The following GRM8 variants were observed in gnomAD, a reference collection of about 807,000 sequenced individuals.
GRM8 encodes the protein glutamate metabotropic receptor 8.
A neutral mutation model predicts 87.2 loss-of-function variants in GRM8; 47 were observed. The ratio of observed to expected loss-of-function variants is 0.54; its 90% CI spans 0.43 to 0.69. The LOEUF (loss-of-function observed/expected upper bound fraction) is 0.69. Ranked by LOEUF, GRM8 falls within the 30% of genes least tolerant of loss-of-function variation. The pLI is 0.00. For missense variants in GRM8, 1,019 were observed against 1,139.2 expected, an observed-to-expected ratio of 0.89 and a Z score of 1.52; for synonymous variants, 396 against 404.5, an observed-to-expected ratio of 0.98 and a Z score of 0.25.
rs1815132008 is a variant in GRM8 at position 126,533,192 on chromosome 7, T to C, written c.2190A>G (p.Thr730=). 3.7e-6 allele frequency: 6 copies of C among 1,612,754 alleles called. No homozygotes were observed. The highest frequency in any genetic ancestry group is 5.1e-6 in the Non-Finnish European group (6 of 1,179,594). Reference sequence around the variant, plus strand: ...CTCCCCTGGCCTTCTCTGGATCTAGTGTCCGCTGCTCTCCATAGTCAATGA... The same window carrying C: ...CTCCCCTGGCCTTCTCTGGATCTAGCGTCCGCTGCTCTCCATAGTCAATGA... ...HIIIDYGEQR[T]LDPEKARGVL... is the part of the protein sequence containing the mutation. The change falls in exon 9 of 11, where the codon ACA becomes ACG. Residue 730 remains threonine, a synonymous_variant. Transcript: ENST00000339582.
At chr7:127,233,458 C>T (rs541690823) in intron 2 of GRM8, among the ~76,000 whole-genome samples, 7 of 152,166 alleles carry the variant, frequency 4.6e-5, no homozygotes, top group South Asian at 4.1e-4. Flanking sequence ...TGAGATGAGA[C>T]GATAAATCAC....
intron 9 of GRM8, among the ~76,000 whole-genome samples, chr7:126,479,428 G>T (rs908850632): frequency 2.0e-5 from 3 of 151,984 alleles, no homozygotes; most frequent in African/African-American, 2.4e-5. Context: ...ATATGTCTCT[G>T]TGTATCTGCC....
intron 3 of GRM8, among the ~76,000 whole-genome samples, chr7:127,078,669 T>G (rs1318066948): frequency 6.6e-6 from 1 of 152,228 alleles, no homozygotes; most frequent in Admixed American, 6.5e-5. Flanking sequence ...GAGAAGATGG[T>G]CCCCATCCCA....
chr7:126,529,107 T>C (rs1430653241), intron 9 of GRM8, among the ~76,000 whole-genome samples: 2 of 152,142 alleles, frequency 1.3e-5, no homozygotes, highest in East Asian at 3.8e-4. Context: ...AGTAGTCCTA[T>C]TTGAGAATAA....
At chr7:126,651,554 G>C (rs1038161974) in intron 7 of GRM8, among the ~76,000 whole-genome samples, 1 of 152,104 alleles carries the variant, frequency 6.6e-6, no homozygotes, top group South Asian at 2.1e-4. Flanking sequence ...TCCTGGTACC[G>C]CGACATTATG....
At chr7:127,036,519 T>C (rs1275734739) in intron 3 of GRM8, among the ~76,000 whole-genome samples, 1 of 152,192 alleles carries the variant, frequency 6.6e-6, no homozygotes, top group Non-Finnish European at 1.5e-5. Context: ...ATTGCCCAAA[T>C]ACTCAAAACT....
Position 126,647,300 on chromosome 7 carries a change from TA to T in GRM8, c.1358-37803del, listed in dbSNP as rs1803230311. ...CTCTCTACATAAATAGATGGATAGA[TA>T]GATAGATAGATAGATAGATAGATAG... On this transcript the variant is annotated intron_variant, in intron 7 of 10. Transcript: ENST00000339582. Among the ~76,000 whole-genome samples the T allele has an allele frequency of 4.6e-3, 219 of 47,468 alleles. 2 individuals carry two copies. Among genetic ancestry groups the T allele is most frequent in the African/African-American group, 0.019 (212 of 11,014 alleles). The allele number at this position is 47,468 out of a possible 152,430, so 31.1% of individuals were successfully genotyped here.
rs569467348 is a variant in GRM8 at position 126,473,756 on chromosome 7, G to C, written c.2431-27384C>G. Among the ~76,000 whole-genome samples, 4 of 152,194 alleles carry C rather than the reference G, an allele frequency of 2.6e-5. No individual in the cohort carries two copies. In the South Asian group the frequency reaches 8.3e-4, roughly 32 times the overall value. On this transcript the variant is annotated intron_variant, in intron 9 of 10. Coordinates refer to ENST00000339582, the MANE Select transcript of GRM8 (RefSeq NM_000845.3). ...CACAGTCCCCATGTGTCTTGGGAGG[G>C]ACCCATTTGGAGGTAATTTAATCAT...
intron 2 of GRM8, among the ~76,000 whole-genome samples, chr7:127,108,585 C>A (rs1465391797): frequency 1.3e-5 from 2 of 152,118 alleles, no homozygotes; most frequent in Non-Finnish European, 2.9e-5. Flanking sequence ...ACACAACTCC[C>A]ACCCTGCCTA....
Position 127,106,555 on chromosome 7 carries a change from G to GA in GRM8, c.667dup (p.Ser223PhefsTer2). 2 of 1,614,106 alleles carry GA rather than the reference G, an allele frequency of 1.2e-6. No individual in the cohort carries two copies. Among genetic ancestry groups the GA allele is most frequent in the Non-Finnish European group, 1.7e-6 (2 of 1,179,988 alleles). On this transcript the variant is annotated frameshift_variant, in exon 3 of 11. Transcript: ENST00000339582. LOFTEE classifies it high-confidence loss of function. ...ACCGCTCTCACCATAGTTCCCCTCAGAAGCCAGTGTCGAAACATAATTCCA... is the reference window on the plus strand; with the variant it reads ...ACCGCTCTCACCATAGTTCCCCTCAGAAAGCCAGTGTCGAAACATAATTCCA...
intron 2 of GRM8, among the ~76,000 whole-genome samples, chr7:127,171,375 G>A (rs1793792024): frequency 6.6e-6 from 1 of 152,210 alleles, no homozygotes; most frequent in African/African-American, 2.4e-5. Context: ...TGAGAGGATG[G>A]ACTCTAATTT....
chr7:127,168,084 GGCAGAAAATTTTT>G (rs1793564282), intron 2 of GRM8, among the ~76,000 whole-genome samples: 1 of 152,074 alleles, frequency 6.6e-6, no homozygotes, highest in Admixed American at 6.6e-5. Flanking sequence ...CCTACAGAAT[GGCAGAAAATTTTT>G]GCAATCTATC....
chr7:126,763,466 TATATATACACAC>T (rs1256540642), intron 7 of GRM8, among the ~76,000 whole-genome samples: 1,035 of 82,574 alleles, frequency 0.013, 17 homozygotes, highest in African/African-American at 0.034. Context: ...TATATATATA[TATATATACACAC>T]ACACACACAC....
chr7:127,116,120 A>C (rs1445971620), intron 2 of GRM8, among the ~76,000 whole-genome samples: 1 of 152,204 alleles, frequency 6.6e-6, no homozygotes, highest in Non-Finnish European at 1.5e-5. Flanking sequence ...TGCCACTCAA[A>C]AAATTAAAAA....
intron 3 of GRM8, among the ~76,000 whole-genome samples, chr7:126,948,336 G>T (rs1204563): frequency 0.39 from 58,973 of 150,012 alleles, 11,819 homozygotes; most frequent in East Asian, 0.66. Flanking sequence ...TACATAAGAG[G>T]AAAGGGCACA....
At chr7:127,165,187 T>C (rs1175453361) in intron 2 of GRM8, among the ~76,000 whole-genome samples, 1 of 125,984 alleles carries the variant, frequency 7.9e-6, no homozygotes, top group African/African-American at 2.9e-5. Flanking sequence ...TATATATATA[T>C]ATATATTCAG....
At chr7:126,585,140 AATAG>A (rs1384994958) in intron 8 of GRM8, among the ~76,000 whole-genome samples, 1 of 152,184 alleles carries the variant, frequency 6.6e-6, no homozygotes, top group Non-Finnish European at 1.5e-5. Flanking sequence ...TATAAAAATA[AATAG>A]ATAAGCAGAA....
intron 3 of GRM8, among the ~76,000 whole-genome samples, chr7:126,958,854 G>A (rs577145767): frequency 1.3e-5 from 2 of 152,332 alleles, no homozygotes; most frequent in South Asian, 4.1e-4. Flanking sequence ...CTCATGTGCA[G>A]ATATACCAAA....
intron 7 of GRM8, among the ~76,000 whole-genome samples, chr7:126,765,817 T>A (rs1023312858): frequency 2.0e-5 from 3 of 152,110 alleles, no homozygotes; most frequent in African/African-American, 4.8e-5. Flanking sequence ...AGAAAACTTG[T>A]AAGGAAAACA....
Sources: allele counts gnomAD v4.1 joint callset (sites outside exome capture counted in the v4.1 genomes callset), GRCh38; gene constraint gnomAD v4.1.1; transcripts MANE v1.5; gene names NCBI Gene and HGNC (gene_info 2026-07-23, HGNC 2026-07-21).